FMN1: variants seen among roughly 807,000 people sequenced by gnomAD.
FMN1 encodes formin-1.
Under a neutral mutation model 132.4 loss-of-function variants are expected in FMN1, and 110 were observed. That is an observed-to-expected ratio of 0.83 (90% CI 0.71 to 0.97). The LOEUF (loss-of-function observed/expected upper bound fraction) is 0.97. Among genes scored for constraint, FMN1 ranks in the 50% least tolerant of loss-of-function variants. The pLI is 0.00. For missense variants in FMN1, 1,792 were observed against 1,705.3 expected (o/e 1.05, Z -0.90); for synonymous variants, 722 against 651.7 (o/e 1.11, Z -1.64).
At chr15:33,115,018 AT>A (rs2039861136) in intron 4 of FMN1, among the ~76,000 whole-genome samples, 1 of 152,292 alleles carries the variant, frequency 6.6e-6, no homozygotes, top group Non-Finnish European at 1.5e-5. Context: ...CCATGTATTG[AT>A]TTTATAGAGT....
chr15:32,942,668 A>G lies in FMN1; in HGVS notation c.3139-16407T>C, dbSNP rs116862259. Among the ~76,000 whole-genome samples, 366 of 152,302 alleles carry G rather than the reference A, an allele frequency of 2.4e-3. 2 individuals carry two copies. The highest frequency in any genetic ancestry group is 6.8e-3 in the Middle Eastern group (2 of 294). ...CCAAACACATTCATACCTATACCAG[A>G]TCGAGTGCATATTTTGCTCTTTGGC... On this transcript the variant is annotated intron_variant, in intron 9 of 20. Transcript: ENST00000616417.
chr15:33,008,570 T>C (rs186432317), intron 6 of FMN1, among the ~76,000 whole-genome samples: 1,545 of 152,332 alleles, frequency 0.01, 10 homozygotes, highest in Non-Finnish European at 0.015. Context: ...TTAATCTTTA[T>C]CTCAGAAAGT....
chr15:32,940,780 A>G (rs2061385162), intron 9 of FMN1, among the ~76,000 whole-genome samples: 1 of 152,072 alleles, frequency 6.6e-6, no homozygotes, highest in South Asian at 2.1e-4. Flanking sequence ...ACTGTAACTC[A>G]TGGTCTGGGT....
intron 2 of FMN1, among the ~76,000 whole-genome samples, chr15:33,186,770 A>C (rs1341316098): frequency 6.6e-6 from 1 of 152,244 alleles, no homozygotes; most frequent in Non-Finnish European, 1.5e-5. Flanking sequence ...ATTCATGGGC[A>C]GTTTCATAAA....
chr15:32,939,535 A>G (rs1314667734), intron 9 of FMN1, among the ~76,000 whole-genome samples: 1 of 152,216 alleles, frequency 6.6e-6, no homozygotes, highest in Non-Finnish European at 1.5e-5. Flanking sequence ...TCAAATAACC[A>G]GAACGTAATT....
At chr15:33,087,079 G>A (rs1221013138) in intron 5 of FMN1, among the ~76,000 whole-genome samples, 1 of 152,196 alleles carries the variant, frequency 6.6e-6, no homozygotes, top group Non-Finnish European at 1.5e-5. Context: ...TAGATTTGTG[G>A]TGCTCACCTC....
At chr15:33,030,420 C>A (rs978044482) in intron 6 of FMN1, among the ~76,000 whole-genome samples, 1 of 152,164 alleles carries the variant, frequency 6.6e-6, no homozygotes, top group East Asian at 1.9e-4. Context: ...ACTGAAAAAT[C>A]ACGTCACTCT....
chr15:33,008,451 C>A (rs78861477), intron 6 of FMN1, among the ~76,000 whole-genome samples: 1 of 151,800 alleles, frequency 6.6e-6, no homozygotes, highest in African/African-American at 2.4e-5. Flanking sequence ...AGGAAACAAA[C>A]GAAAACTTTC....
Position 32,847,256 on chromosome 15 carries a change from C to T in FMN1, c.3928+9759G>A, listed in dbSNP as rs561218203. 4.0e-5 allele frequency among the ~76,000 whole-genome samples: 6 copies of T among 151,778 alleles called. No individual in the cohort carries two copies. In the East Asian group the frequency reaches 5.8e-4, roughly 15 times the overall value. On this transcript the variant is annotated intron_variant, in intron 17 of 20. Coordinates refer to ENST00000616417, the MANE Select transcript of FMN1 (RefSeq NM_001277313.2). ...GCAAGCAAATAAACTGGTTCCATAACGTTGAAAAGATGTAGGGGTGTGTGT... is the reference window on the plus strand; with the variant it reads ...GCAAGCAAATAAACTGGTTCCATAATGTTGAAAAGATGTAGGGGTGTGTGT...
intron 6 of FMN1, among the ~76,000 whole-genome samples, chr15:33,047,412 A>G (rs1296378482): frequency 2.0e-5 from 3 of 152,194 alleles, no homozygotes; most frequent in Non-Finnish European, 4.4e-5. Flanking sequence ...CCTAAAGTTG[A>G]GTAATAAGAT....
At chr15:33,190,052 T>C (rs1027895835) in intron 2 of FMN1, among the ~76,000 whole-genome samples, 2 of 152,192 alleles carry the variant, frequency 1.3e-5, no homozygotes, top group African/African-American at 4.8e-5. Flanking sequence ...CACTGCCTCT[T>C]GGGGACTGAA....
At position 32,901,923 on chromosome 15, in the gene FMN1, C is replaced by T. The variant is rs374439704; in HGVS notation, c.3495G>A (p.Thr1165=). The change falls in exon 13 of 21, where the codon ACG becomes ACA. Residue 1165 remains threonine (T), a synonymous_variant. Transcript: ENST00000616417. ...TSLHRKVEII[T]RASKDLLHVK... is the part of the protein sequence containing the mutation. ...ACAGTAAACATACCTTAGAAGCTCG[C>T]GTGATGATCTCTACCTTTCTGTGCA... 140 of 1,608,230 alleles carry T rather than the reference C, an allele frequency of 8.7e-5. No individual in the cohort carries two copies. The highest frequency in any genetic ancestry group is 6.6e-4 in the Middle Eastern group (4 of 6,036).
At chr15:32,889,071 T>C (rs935922479) in intron 15 of FMN1, among the ~76,000 whole-genome samples, 8 of 152,086 alleles carry the variant, frequency 5.3e-5, no homozygotes. Flanking sequence ...CCTAGGCTGG[T>C]CTCTAACTCC....
At chr15:33,067,488 C>T (rs1455246768) in intron 5 of FMN1, 10 of 1,613,850 alleles carry the variant, frequency 6.2e-6, no homozygotes, top group Non-Finnish European at 8.5e-6. Flanking sequence ...CAAATGACAT[C>T]GTCTTTTGTC....
chr15:33,091,990 T>C (rs769273038), intron 4 of FMN1, among the ~76,000 whole-genome samples: 2 of 152,202 alleles, frequency 1.3e-5, no homozygotes, highest in Non-Finnish European at 2.9e-5. Context: ...ACAAACCTGT[T>C]TTGTACTCAG....
intron 6 of FMN1, among the ~76,000 whole-genome samples, chr15:33,014,350 C>T (rs769018151): frequency 2.0e-5 from 3 of 152,080 alleles, no homozygotes; most frequent in African/African-American, 7.2e-5. Context: ...CAACTCAAGA[C>T]CAAGGATGTG....
intron 4 of FMN1, among the ~76,000 whole-genome samples, chr15:33,120,762 C>T (rs1275820113): frequency 1.3e-5 from 2 of 152,118 alleles, no homozygotes; most frequent in Non-Finnish European, 2.9e-5. Flanking sequence ...CTACCTATTA[C>T]CCTTTTACTG....
intron 10 of FMN1, among the ~76,000 whole-genome samples, chr15:32,922,925 T>TG (rs1369125929): frequency 2.0e-5 from 3 of 152,182 alleles, no homozygotes; most frequent in Admixed American, 1.3e-4. Context: ...GACATTTTAA[T>TG]GGGGAAAATG....
Position 32,768,137 on chromosome 15 carries a change from TG to T in FMN1, c.*6172del, listed in dbSNP as rs1318456197. The T allele has an allele frequency of 6.6e-6, 1 of 152,228 alleles. No individual in the cohort carries two copies. The highest frequency in any genetic ancestry group is 6.5e-5 in the Admixed American group (1 of 15,286). The allele number at this position is 152,228 out of a possible 1,614,324, so 9.4% of individuals were successfully genotyped here. A position where few individuals can be genotyped will look rare whatever the true frequency, so the allele number is the denominator to read the frequency against. On this transcript the variant is annotated 3_prime_UTR_variant, in exon 21 of 21. Transcript: ENST00000616417. ...TTTATACATCTCCTATAAAGAAATC[TG>T]GAATTCAAAATCCATGCTAAGAGTT... is the stretch of plus-strand genomic sequence containing the variant.
Sources: gnomAD v4.1 joint callset for allele counts (sites outside exome capture counted in the v4.1 genomes callset) on GRCh38, gnomAD v4.1.1 for gene constraint, MANE v1.5 for transcripts, NCBI Gene and HGNC (gene_info 2026-07-23, HGNC 2026-07-21) for gene names.